SDK1: variants seen among roughly 807,000 people sequenced by gnomAD.
SDK1 encodes the protein protein sidekick-1.
Under a neutral mutation model 245.5 loss-of-function variants are expected in SDK1, and 157 were observed. That is an observed-to-expected ratio of 0.64 (90% CI 0.56 to 0.73). SDK1 has a LOEUF of 0.73. Ranked by LOEUF, SDK1 falls within the 30% of genes least tolerant of loss-of-function variation. The pLI, the probability that SDK1 is intolerant of heterozygous loss-of-function variation, is 0.00. For synonymous variants in SDK1, 1,647 were observed against 1,278.5 expected (o/e 1.29, Z -6.15); for missense variants, 3,583 against 3,002.3 (o/e 1.19, Z -4.52).
At chr7:3,956,322 C>T (rs1781255430) in intron 7 of SDK1, among the ~76,000 whole-genome samples, 1 of 152,194 alleles carries the variant, frequency 6.6e-6, no homozygotes, top group Non-Finnish European at 1.5e-5. Context: ...CTTGGCATTT[C>T]CTCCGGTTCT....
At chr7:3,637,557 G>A (rs1338670472) in intron 2 of SDK1, among the ~76,000 whole-genome samples, 2 of 152,180 alleles carry the variant, frequency 1.3e-5, no homozygotes, top group East Asian at 1.9e-4. Flanking sequence ...GTGGCGGTTG[G>A]TTACCTATCT....
intron 1 of SDK1, among the ~76,000 whole-genome samples, chr7:3,462,273 C>T (rs1343358601): frequency 6.6e-6 from 1 of 152,128 alleles, no homozygotes; most frequent in Non-Finnish European, 1.5e-5. Context: ...AAGCATGCTG[C>T]CTTGGTTTCC....
chr7:3,669,961 G>T (rs1222795703), intron 4 of SDK1, among the ~76,000 whole-genome samples: 1 of 152,132 alleles, frequency 6.6e-6, no homozygotes, highest in Non-Finnish European at 1.5e-5. Context: ...AAGAACCAAG[G>T]AATTATCCTT....
rs192923118 is a variant in SDK1 at position 3,777,767 on chromosome 7, C to T, written c.714-43683C>T. ...ATCATAAGCTTAAAACTTCCCATGC[C>T]ACACCACACTGCACATGTATATATT... On this transcript the variant is annotated intron_variant, in intron 4 of 44. Transcript: ENST00000404826. 1.2e-3 allele frequency among the ~76,000 whole-genome samples: 180 copies of T among 152,202 alleles called. 3 individuals carry two copies. The South Asian group carries it at 0.016, about 14-fold the overall frequency.
chr7:3,679,074 T>C (rs1474761767), intron 4 of SDK1, among the ~76,000 whole-genome samples: 1 of 152,200 alleles, frequency 6.6e-6, no homozygotes, highest in Non-Finnish European at 1.5e-5. Flanking sequence ...ACCAAAAACA[T>C]GATCAATACA....
chr7:3,848,493 G>T (rs1008089406), intron 5 of SDK1, among the ~76,000 whole-genome samples: 2 of 152,076 alleles, frequency 1.3e-5, no homozygotes, highest in Non-Finnish European at 2.9e-5. Flanking sequence ...CAGGCTTCTT[G>T]AGCAGGCAGC....
chr7:3,863,861 C>G (rs1780755780), intron 5 of SDK1, among the ~76,000 whole-genome samples: 1 of 152,172 alleles, frequency 6.6e-6, no homozygotes. Flanking sequence ...TTGTTTCTGC[C>G]TTTTGGCTGT....
intron 5 of SDK1, among the ~76,000 whole-genome samples, chr7:3,827,366 T>G (rs1779803149): frequency 2.6e-5 from 4 of 152,066 alleles, no homozygotes; most frequent in Admixed American, 2.6e-4. Flanking sequence ...GCTCCTTTCT[T>G]TCCGAACGAG....
chr7:3,605,023 G>A (rs1358288150), intron 1 of SDK1, among the ~76,000 whole-genome samples: 2 of 151,830 alleles, frequency 1.3e-5, no homozygotes, highest in African/African-American at 4.8e-5. Flanking sequence ...TTAATACTAT[G>A]GCCAGAGGAT....
chr7:3,494,360 T>C (rs1781956274), intron 1 of SDK1, among the ~76,000 whole-genome samples: 1 of 152,210 alleles, frequency 6.6e-6, no homozygotes, highest in South Asian at 2.1e-4. Context: ...GAAGAAATTT[T>C]AGTCTTGGGA....
intron 4 of SDK1, among the ~76,000 whole-genome samples, chr7:3,744,857 A>G (rs942922713): frequency 6.6e-6 from 1 of 152,076 alleles, no homozygotes; most frequent in Non-Finnish European, 1.5e-5. Context: ...AAGAAAAACA[A>G]TTTAAAAATA....
chr7:4,220,065 TC>T, intron 38 of SDK1, 43 bp from the exon 39 acceptor site: 1 of 1,596,648 alleles, frequency 6.3e-7, no homozygotes, highest in Non-Finnish European at 8.6e-7. Flanking sequence ...CAGTTGCTTC[TC>T]CAGGCTGAAC....
intron 1 of SDK1, among the ~76,000 whole-genome samples, chr7:3,472,399 A>T (rs1258725672): frequency 6.6e-6 from 1 of 152,148 alleles, no homozygotes; most frequent in African/African-American, 2.4e-5. Context: ...AAAAATTAGT[A>T]ATTTTTCCTG....
At chr7:3,594,003 G>C in intron 1 of SDK1, among the ~76,000 whole-genome samples, 1 of 152,108 alleles carries the variant, frequency 6.6e-6, no homozygotes, top group Non-Finnish European at 1.5e-5. Context: ...TGTAATTCAT[G>C]ATTTTTAACA....
rs765591624 is a variant in SDK1 at position 3,522,532 on chromosome 7, TGG to T, written c.299-96546_299-96545del. On this transcript the variant is annotated intron_variant, in intron 1 of 44. Coordinates refer to ENST00000404826, the MANE Select transcript of SDK1 (RefSeq NM_152744.4). ...TGCAGGGTGTTTGTCTTGATTATCT[TGG>T]GTGCCCCTTCAGCTTATTATGGGTC... Among the ~76,000 whole-genome samples the T allele has an allele frequency of 5.9e-4, 88 of 149,386 alleles. 1 individual carries two copies. Among genetic ancestry groups the T allele is most frequent in the Non-Finnish European group, 1.0e-3 (68 of 67,468 alleles).
At chr7:4,025,104 A>G (rs1303505401) in intron 17 of SDK1, among the ~76,000 whole-genome samples, 1 of 151,948 alleles carries the variant, frequency 6.6e-6, no homozygotes, top group Non-Finnish European at 1.5e-5. Flanking sequence ...GTACTTTGGT[A>G]TTTTCTGTTC....
intron 1 of SDK1, among the ~76,000 whole-genome samples, chr7:3,587,361 G>A (rs1386522700): frequency 6.6e-6 from 1 of 151,926 alleles, no homozygotes; most frequent in Non-Finnish European, 1.5e-5. Context: ...GTTGGCTTAC[G>A]TGATTATGGA....
chr7:3,601,198 C>G (rs867704949), intron 1 of SDK1, among the ~76,000 whole-genome samples: 1 of 151,998 alleles, frequency 6.6e-6, no homozygotes. Flanking sequence ...TTGTATTTGT[C>G]AAGATTTTAT....
intron 5 of SDK1, among the ~76,000 whole-genome samples, chr7:3,834,647 A>G (rs1210994401): frequency 6.6e-6 from 1 of 152,184 alleles, no homozygotes; most frequent in Non-Finnish European, 1.5e-5. Flanking sequence ...AGTGCCCCCC[A>G]GGAAGACTCT....
Sources: gnomAD v4.1 joint callset for allele counts (sites outside exome capture counted in the v4.1 genomes callset) on GRCh38, gnomAD v4.1.1 for gene constraint, MANE v1.5 for transcripts, NCBI Gene and HGNC (gene_info 2026-07-23, HGNC 2026-07-21) for gene names.